ADARB2: variants seen among roughly 807,000 people sequenced by gnomAD.
ADARB2 encodes the protein adenosine deaminase RNA specific B2 (inactive), also known as inactive double-stranded RNA-specific editase B2.
ADARB2 carries 25 observed loss-of-function variants against 62.2 expected under a neutral mutation model. The observed-to-expected ratio is 0.40, with a 90% CI of 0.29 to 0.56. The LOEUF is 0.56. Ranked by LOEUF, ADARB2 falls within the 20% of genes least tolerant of loss-of-function variation. The pLI is 0.43. For missense variants in ADARB2, 1,071 were observed against 1,077.4 expected (o/e 0.99, Z 0.08); for synonymous variants, 572 against 500.8 (o/e 1.14, Z -1.90).
intron 1 of ADARB2, among the ~76,000 whole-genome samples, chr10:1,537,861 A>G (rs1023018270): frequency 2.0e-5 from 3 of 152,212 alleles, no homozygotes; most frequent in African/African-American, 7.2e-5. Context: ...TACCTAATGC[A>G]TGCCGGTCTT....
At position 1,596,451 on chromosome 10, in the gene ADARB2, A is replaced by T. The variant is rs556439624; in HGVS notation, c.100+140600T>A. On this transcript the variant is annotated intron_variant, in intron 1 of 9. Coordinates refer to ENST00000381312, the MANE Select transcript of ADARB2 (RefSeq NM_018702.4). ...CTGATAATGACCATCGGCAGCTAGG[A>T]GAATAAAGTCCGGCACCGGGAGAGA... is the stretch of plus-strand genomic sequence containing the variant. Among the ~76,000 whole-genome samples the T allele has an allele frequency of 1.5e-4, 23 of 152,368 alleles. No individual in the cohort carries two copies. In the South Asian group the frequency reaches 4.8e-3, roughly 32 times the overall value.
chr10:1,589,857 A>T (rs1833229629), intron 1 of ADARB2, among the ~76,000 whole-genome samples: 1 of 152,134 alleles, frequency 6.6e-6, no homozygotes, highest in Non-Finnish European at 1.5e-5. Context: ...TGTTTGTAGG[A>T]GACAGGATTT....
At chr10:1,682,450 AAACC>A (rs1337200376) in intron 1 of ADARB2, among the ~76,000 whole-genome samples, 1 of 152,218 alleles carries the variant, frequency 6.6e-6, no homozygotes, top group African/African-American at 2.4e-5. Context: ...TCGGTCTTAG[AAACC>A]AACCAACCAA....
intron 1 of ADARB2, among the ~76,000 whole-genome samples, chr10:1,552,542 A>C (rs1832641466): frequency 6.6e-6 from 1 of 152,174 alleles, no homozygotes; most frequent in Non-Finnish European, 1.5e-5. Flanking sequence ...GGTCGGCTTC[A>C]GGGAACAGTC....
At chr10:1,208,201 C>T (rs4880788) in intron 7 of ADARB2, among the ~76,000 whole-genome samples, 46,713 of 152,176 alleles carry the variant, frequency 0.31, 8,448 homozygotes, top group African/African-American at 0.49. Context: ...TCTCTGATTT[C>T]CTGAAGACCG....
intron 1 of ADARB2, among the ~76,000 whole-genome samples, chr10:1,461,538 C>T (rs1831174443): frequency 6.6e-6 from 1 of 151,736 alleles, no homozygotes; most frequent in Non-Finnish European, 1.5e-5. Flanking sequence ...AGAAATTTGC[C>T]CTGGTCAGAA....
At chr10:1,288,795 C>T (rs1340587426) in intron 3 of ADARB2, among the ~76,000 whole-genome samples, 1 of 152,208 alleles carries the variant, frequency 6.6e-6, no homozygotes, top group Non-Finnish European at 1.5e-5. Flanking sequence ...TTCCCCACTC[C>T]CTGAATAGGG....
chr10:1,672,757 G>A (rs936925298), intron 1 of ADARB2, among the ~76,000 whole-genome samples: 1 of 151,908 alleles, frequency 6.6e-6, no homozygotes, highest in African/African-American at 2.4e-5. Context: ...CTCCCTCCAC[G>A]CACACACTTC....
At chr10:1,401,972 T>A (rs1055516333) in intron 1 of ADARB2, among the ~76,000 whole-genome samples, 16 of 152,188 alleles carry the variant, frequency 1.1e-4, no homozygotes, top group Non-Finnish European at 1.9e-4. Flanking sequence ...ATTGTGCTGA[T>A]ACAATTTGAA....
intron 1 of ADARB2, among the ~76,000 whole-genome samples, chr10:1,624,267 CA>C (rs1414652329): frequency 6.6e-6 from 1 of 151,986 alleles, no homozygotes; most frequent in Non-Finnish European, 1.5e-5. Flanking sequence ...CAAAAACAAA[CA>C]AAAACCAAAG....
intron 6 of ADARB2, among the ~76,000 whole-genome samples, chr10:1,229,745 T>C (rs553636771): frequency 3.1e-5 from 1 of 32,118 alleles, no homozygotes; most frequent in South Asian, 8.0e-4. Flanking sequence ...TGTTTGTATG[T>C]GCACGTGATT....
chr10:1,281,008 T>A (rs572125454), intron 3 of ADARB2, among the ~76,000 whole-genome samples: 4 of 152,316 alleles, frequency 2.6e-5, no homozygotes, highest in Middle Eastern at 3.4e-3. Context: ...TTATTTACTC[T>A]GAGTCATAGA....
At chr10:1,556,829 T>A in intron 1 of ADARB2, 1 of 534,438 alleles carries the variant, frequency 1.9e-6, no homozygotes, top group Non-Finnish European at 3.8e-6. Flanking sequence ...AGACACTTGC[T>A]CTGCTGCAGA....
At chr10:1,634,679 A>G (rs1833892271) in intron 1 of ADARB2, among the ~76,000 whole-genome samples, 1 of 152,260 alleles carries the variant, frequency 6.6e-6, no homozygotes, top group Non-Finnish European at 1.5e-5. Flanking sequence ...TTAGAAGCAC[A>G]CAATATCCAT....
intron 3 of ADARB2, among the ~76,000 whole-genome samples, chr10:1,330,602 A>C (rs1440043397): frequency 6.6e-6 from 1 of 152,186 alleles, no homozygotes; most frequent in Non-Finnish European, 1.5e-5. Context: ...TGATGGTTCT[A>C]CTCAACGTTG....
At position 1,576,487 on chromosome 10, in the gene ADARB2, A is replaced by G. The variant is rs979843783; in HGVS notation, c.100+160564T>C. 5.0e-4 allele frequency among the ~76,000 whole-genome samples: 76 copies of G among 152,276 alleles called. 1 individual carries two copies. The highest frequency in any genetic ancestry group is 1.7e-3 in the African/African-American group (70 of 41,554). On this transcript the variant is annotated intron_variant, in intron 1 of 9. Coordinates refer to ENST00000381312, the MANE Select transcript of ADARB2 (RefSeq NM_018702.4). ...CCTGCAAATACGGTAGCAGCAGTTC[A>G]TGCTATGGTTCTGTGGTGCTGGCAG...
At chr10:1,590,238 C>G (rs996641256) in intron 1 of ADARB2, among the ~76,000 whole-genome samples, 3 of 152,186 alleles carry the variant, frequency 2.0e-5, no homozygotes, top group African/African-American at 7.2e-5. Context: ...GGTTGTGGCA[C>G]CCAGCCCATT....
At chr10:1,235,164 G>T (rs1020311510) in intron 5 of ADARB2, among the ~76,000 whole-genome samples, 6 of 150,358 alleles carry the variant, frequency 4.0e-5, no homozygotes, top group African/African-American at 1.5e-4. Context: ...CCTCACAGTG[G>T]ACTGTGGGTT....
intron 3 of ADARB2, among the ~76,000 whole-genome samples, chr10:1,276,347 T>C (rs1013625609): frequency 6.6e-6 from 1 of 152,202 alleles, no homozygotes; most frequent in Non-Finnish European, 1.5e-5. Flanking sequence ...CACTTTTTGA[T>C]GGGGCTGTTT....
Sources: gnomAD v4.1 joint callset for allele counts (sites outside exome capture counted in the v4.1 genomes callset) on GRCh38, gnomAD v4.1.1 for gene constraint, MANE v1.5 for transcripts, NCBI Gene and HGNC (gene_info 2026-07-23, HGNC 2026-07-21) for gene names.